PLB1: variants seen among roughly 807,000 people sequenced by gnomAD.
PLB1 encodes the protein phospholipase B1.
In PLB1, 242 loss-of-function variants were observed where a neutral mutation model predicts 227.4. That is an observed-to-expected ratio of 1.06 (90% CI 0.96 to 1.18). PLB1 has a LOEUF of 1.18. Among genes scored for constraint, PLB1 ranks in the 50% most tolerant of loss-of-function variants. The probability of loss-of-function intolerance (pLI) is 0.00; values close to 1 mark genes in which losing one functional copy is unlikely to be tolerated. For synonymous variants in PLB1, 757 were observed against 682.2 expected, an observed-to-expected ratio of 1.11 and a Z score of -1.71; for missense variants, 1,858 against 1,816.3, an observed-to-expected ratio of 1.02 and a Z score of -0.42.
In PLB1 at chr2:28,601,950, G is replaced by T. The variant is rs748768563; in HGVS notation, c.2659G>T (p.Val887Phe). Reference sequence around the variant, plus strand: ...TCACCATCTCCGCAATGCCTTGGACGTCCTGCATAGAGAGGTGGGTGGGGG... The same window carrying T: ...TCACCATCTCCGCAATGCCTTGGACTTCCTGCATAGAGAGGTGGGTGGGGG... Reference protein sequence around the residue: ...FVHHLRNALDVLHREVPRVLV... With the variant: ...FVHHLRNALDFLHREVPRVLV... The change falls in exon 38 of 58, where the codon GTC becomes TTC. Residue 887 changes from valine (V) to phenylalanine (F), a missense_variant. Transcript: ENST00000327757. 1 of 1,610,850 alleles carries T rather than the reference G, an allele frequency of 6.2e-7. No individual in the cohort carries two copies. The highest frequency in any genetic ancestry group is 1.7e-5 in the Admixed American group (1 of 59,988).
chr2:28,541,728 GC>G lies in PLB1; in HGVS notation c.798del (p.Ser267ProfsTer46). The G allele has an allele frequency of 6.2e-7, 1 of 1,613,900 alleles. No homozygotes were observed. Among genetic ancestry groups the G allele is most frequent in the Non-Finnish European group, 8.5e-7 (1 of 1,179,974 alleles). ...SYQEAWNSLL[A>X]SSRYSEQESF... ...CCAGGAAGCCTGGAACAGCCTCCTG[GC>G]CTCCAGCAGGTACAGTGAGCAGGAG... is the stretch of plus-strand genomic sequence containing the variant. On this transcript the variant is annotated frameshift_variant, in exon 13 of 58. Transcript: ENST00000327757. LOFTEE classifies it high-confidence loss of function.
intron 6 of PLB1, among the ~76,000 whole-genome samples, chr2:28,526,402 A>G (rs981441621): frequency 6.6e-5 from 10 of 152,160 alleles, no homozygotes; most frequent in Non-Finnish European, 1.5e-4. Context: ...ACAAGACATC[A>G]GTTGGGTTCA....
At chr2:28,536,550 G>T (rs1671704157) in intron 9 of PLB1, among the ~76,000 whole-genome samples, 1 of 152,150 alleles carries the variant, frequency 6.6e-6, no homozygotes, top group Non-Finnish European at 1.5e-5. Flanking sequence ...TCTAGTTTTT[G>T]ACTGAATAAT....
chr2:28,626,393 C>T, intron 50 of PLB1, 35 bp from the exon 51 acceptor site: 1 of 1,590,730 alleles, frequency 6.3e-7, no homozygotes, highest in Non-Finnish European at 8.6e-7. Context: ...GTGCCTCCCA[C>T]CAAGGCCTAA....
Position 28,638,726 on chromosome 2 carries a change from C to T in PLB1, c.4099-2201C>T, listed in dbSNP as rs116536888. Among the ~76,000 whole-genome samples, 784 of 148,876 alleles carry T rather than the reference C, an allele frequency of 5.3e-3. 7 individuals are homozygous for T. The highest frequency in any genetic ancestry group is 0.019 in the African/African-American group (749 of 40,342). ...AGCGTGGGAGGAAAAAAAATCAAGACTTCTGTTTTGGACATGGTGCAAACT... is the reference window on the plus strand; with the variant it reads ...AGCGTGGGAGGAAAAAAAATCAAGATTTCTGTTTTGGACATGGTGCAAACT... On this transcript the variant is annotated intron_variant, in intron 56 of 57. Coordinates refer to ENST00000327757, the MANE Select transcript of PLB1 (RefSeq NM_153021.5).
chr2:28,604,628 C>T, intron 40 of PLB1, 27 bp from the exon 41 acceptor site: 1 of 1,605,586 alleles, frequency 6.2e-7, no homozygotes, highest in Non-Finnish European at 8.5e-7. Context: ...AGGGCCTGGG[C>T]TGAAGACCCT....
intron 10 of PLB1, 70 bp downstream of exon 10, chr2:28,538,451 G>A (rs1189166415): frequency 2.2e-5 from 32 of 1,458,992 alleles, no homozygotes; most frequent in Non-Finnish European, 2.6e-5. Context: ...CCTCCACCGG[G>A]GTGGGGAAAT....
chr2:28,500,188 G>T (rs746930266), intron 1 of PLB1, among the ~76,000 whole-genome samples: 2 of 152,098 alleles, frequency 1.3e-5, no homozygotes, highest in Non-Finnish European at 2.9e-5. Context: ...GCATTTATTT[G>T]CCTTGTCTCT....
chr2:28,523,973 ATTTG>A (rs1669887252), intron 4 of PLB1, among the ~76,000 whole-genome samples: 1 of 152,130 alleles, frequency 6.6e-6, no homozygotes, highest in Non-Finnish European at 1.5e-5. Flanking sequence ...TCTTAGTGTG[ATTTG>A]TTTGTCTCCC....
intron 41 of PLB1, among the ~76,000 whole-genome samples, chr2:28,605,523 C>T (rs1684544557): frequency 6.6e-6 from 1 of 152,012 alleles, no homozygotes; most frequent in Non-Finnish European, 1.5e-5. Context: ...TGGGCTAAGA[C>T]TCTCTGCGGG....
At chr2:28,603,866 G>A in intron 39 of PLB1, 100 bp from the exon 40 acceptor site, 5 of 1,100,168 alleles carry the variant, frequency 4.5e-6, no homozygotes, top group South Asian at 2.6e-5. Context: ...ACCAGGGCGG[G>A]AGGGAGCCTC....
intron 11 of PLB1, among the ~76,000 whole-genome samples, chr2:28,539,759 G>GA (rs1186563737): frequency 2.0e-5 from 3 of 152,012 alleles, no homozygotes; most frequent in Non-Finnish European, 4.4e-5. Flanking sequence ...GCAAGACAGA[G>GA]AAGGTACAGG....
chr2:28,621,892 C>T (rs1687105005), intron 49 of PLB1, among the ~76,000 whole-genome samples: 1 of 152,128 alleles, frequency 6.6e-6, no homozygotes, highest in South Asian at 2.1e-4. Flanking sequence ...TGTTCTTGTA[C>T]AGTACAGGCT....
Position 28,573,191 on chromosome 2 carries a change from T to C in PLB1, c.1325-6T>C. ...CACTAAGCGTGTCTTTTCCTTGTATTTGCAGACATCCTCCGGGAATTCAAC... is the reference window on the plus strand; with the variant it reads ...CACTAAGCGTGTCTTTTCCTTGTATCTGCAGACATCCTCCGGGAATTCAAC... On this transcript the variant is annotated splice_region_variant and splice_polypyrimidine_tract_variant and intron_variant, in intron 20 of 57. Coordinates refer to ENST00000327757, the MANE Select transcript of PLB1 (RefSeq NM_153021.5). 1 of 1,607,996 alleles carries C rather than the reference T, an allele frequency of 6.2e-7. No individual in the cohort carries two copies. The highest frequency in any genetic ancestry group is 8.5e-7 in the Non-Finnish European group (1 of 1,174,546).
At chr2:28,501,298 G>T (rs911148624) in intron 1 of PLB1, among the ~76,000 whole-genome samples, 1 of 152,022 alleles carries the variant, frequency 6.6e-6, no homozygotes, top group Non-Finnish European at 1.5e-5. Flanking sequence ...CACAGTACTG[G>T]AATTGCTATG....
In PLB1 at chr2:28,516,865, C is replaced by A. The variant is rs1668907665; in HGVS notation, c.113C>A (p.Pro38Gln). Residue 38 changes from proline to glutamine, a missense_variant, in exon 2 of 58, where the codon CCA becomes CAA. Physicochemically the swap from Pro to Gln is moderately conservative, Grantham distance 76. Coordinates refer to ENST00000327757, the MANE Select transcript of PLB1 (RefSeq NM_153021.5). Reference protein sequence around the residue: ...RKSTLEGQLWPETLKNSPFPC... With the variant: ...RKSTLEGQLWQETLKNSPFPC... Reference sequence around the variant, plus strand: ...AGTACATTGGAAGGGCAGCTATGGCCAGAGGTAAGGGCTTTGGCTGGTGGG... The same window carrying A: ...AGTACATTGGAAGGGCAGCTATGGCAAGAGGTAAGGGCTTTGGCTGGTGGG... 6.2e-7 allele frequency: 1 copy of A among 1,613,634 alleles called. No homozygotes were observed. The highest frequency in any genetic ancestry group is 8.5e-7 in the Non-Finnish European group (1 of 1,179,600).
At chr2:28,565,164 C>T in intron 18 of PLB1, 116 bp from the exon 19 acceptor site, 1 of 814,934 alleles carries the variant, frequency 1.2e-6, no homozygotes, top group Non-Finnish European at 2.0e-6. Context: ...ACCCTAGATC[C>T]CAGAGAGTGC....
intron 17 of PLB1, among the ~76,000 whole-genome samples, chr2:28,558,151 T>G (rs1460102943): frequency 3.4e-5 from 3 of 87,302 alleles, no homozygotes; most frequent in Non-Finnish European, 8.0e-5. Flanking sequence ...GGGGTGTGTG[T>G]GTCTCTGTGT....
Position 28,591,202 on chromosome 2 carries a change from C to T in PLB1, c.2127+31C>T, listed in dbSNP as rs757569353. 3.1e-6 allele frequency: 5 copies of T among 1,613,412 alleles called. No individual in the cohort carries two copies. In the South Asian group the frequency reaches 4.4e-5, roughly 14 times the overall value. ...TGCCTCTTGCCTCCTCTTGACTCAC[C>T]AGGCAATGCAATGGGCAACCCCTGG... On this transcript the variant is annotated intron_variant, in intron 30 of 57. Transcript: ENST00000327757.
Sources: allele counts gnomAD v4.1 joint callset (sites outside exome capture counted in the v4.1 genomes callset), GRCh38; gene constraint gnomAD v4.1.1; transcripts MANE v1.5; gene names NCBI Gene and HGNC (gene_info 2026-07-23, HGNC 2026-07-21).